ASCC3: variants seen among roughly 807,000 people sequenced by gnomAD.
ASCC3 encodes the protein activating signal cointegrator 1 complex subunit 3.
Under a neutral mutation model 256.3 loss-of-function variants are expected in ASCC3, and 158 were observed. The observed-to-expected ratio is 0.62, with a 90% CI of 0.54 to 0.70. ASCC3 has a LOEUF of 0.70. Ranked by LOEUF, ASCC3 falls within the 30% of genes least tolerant of loss-of-function variation. The pLI, the probability that ASCC3 is intolerant of heterozygous loss-of-function variation, is 0.00. For synonymous variants in ASCC3, 948 were observed against 883.4 expected, an observed-to-expected ratio of 1.07 and a Z score of -1.30; for missense variants, 2,259 against 2,626.0, an observed-to-expected ratio of 0.86 and a Z score of 3.05.
At chr6:100,844,319 G>T (rs1388152672) in intron 4 of ASCC3, among the ~76,000 whole-genome samples, 1 of 151,520 alleles carries the variant, frequency 6.6e-6, no homozygotes, top group South Asian at 2.1e-4. Flanking sequence ...CTGTGAAGAA[G>T]CTGGTTAGGT....
chr6:100,662,117 G>A, intron 15 of ASCC3, 87 bp from the exon 16 acceptor site: 3 of 1,333,980 alleles, frequency 2.2e-6, no homozygotes, highest in South Asian at 2.4e-5. Flanking sequence ...GGCAAATATG[G>A]CAAGATCTCA....
At chr6:100,863,535 T>C (rs1402704134) in intron 3 of ASCC3, among the ~76,000 whole-genome samples, 2 of 152,202 alleles carry the variant, frequency 1.3e-5, no homozygotes, top group Non-Finnish European at 2.9e-5. Flanking sequence ...TCATGCTAGA[T>C]AGTATTATAA....
intron 34 of ASCC3, among the ~76,000 whole-genome samples, chr6:100,595,506 G>T (rs551118008): frequency 6.6e-6 from 1 of 152,202 alleles, no homozygotes; most frequent in Admixed American, 6.5e-5. Context: ...AGATGTGAAG[G>T]TTTATATATT....
At chr6:100,702,683 CAG>C (rs2115001359) in intron 13 of ASCC3, among the ~76,000 whole-genome samples, 1 of 152,230 alleles carries the variant, frequency 6.6e-6, no homozygotes, top group African/African-American at 2.4e-5. Flanking sequence ...TAAAGAAAAA[CAG>C]AGTTTTGTGT....
intron 36 of ASCC3, among the ~76,000 whole-genome samples, chr6:100,585,410 A>G (rs1316369697): frequency 6.6e-6 from 1 of 152,016 alleles, no homozygotes; most frequent in Non-Finnish European, 1.5e-5. Context: ...GTAGTTCTCG[A>G]GCCTTGGCTT....
chr6:100,687,683 A>T (rs931789796), intron 13 of ASCC3, among the ~76,000 whole-genome samples: 2 of 152,100 alleles, frequency 1.3e-5, no homozygotes, highest in African/African-American at 2.4e-5. Context: ...TAAAAAGCCT[A>T]AAAAAACACA....
chr6:100,813,064 A>C (rs1389631662), intron 4 of ASCC3, among the ~76,000 whole-genome samples: 4 of 152,194 alleles, frequency 2.6e-5, no homozygotes, highest in Admixed American at 6.5e-5. Context: ...CATAATAAGC[A>C]TACCCAAAGG....
At chr6:100,804,977 A>T (rs970828202) in intron 5 of ASCC3, among the ~76,000 whole-genome samples, 2 of 152,148 alleles carry the variant, frequency 1.3e-5, no homozygotes, top group African/African-American at 4.8e-5. Flanking sequence ...CACTATTCAC[A>T]ACAGGAAAGA....
chr6:100,632,462 A>G (rs936036900), intron 25 of ASCC3, among the ~76,000 whole-genome samples: 2 of 151,552 alleles, frequency 1.3e-5, no homozygotes, highest in African/African-American at 2.4e-5. Context: ...CAGAAATAGA[A>G]AAAAAAAATC....
At chr6:100,673,726 C>T (rs1413394722) in intron 14 of ASCC3, among the ~76,000 whole-genome samples, 1 of 152,126 alleles carries the variant, frequency 6.6e-6, no homozygotes, top group Non-Finnish European at 1.5e-5. Flanking sequence ...CTTTTCAGTA[C>T]GTGAATTTTG....
intron 36 of ASCC3, among the ~76,000 whole-genome samples, chr6:100,584,804 G>C (rs143580531): frequency 0.034 from 5,164 of 152,044 alleles, 266 homozygotes; most frequent in African/African-American, 0.12. Context: ...CTCAGCATTT[G>C]CTTGTCTGTA....
chr6:100,651,663 TA>T lies in ASCC3; in HGVS notation c.2989-18del, dbSNP rs780193489. On this transcript the variant is annotated intron_variant, in intron 18 of 41. Transcript: ENST00000369162. ...ATTAAAGGTCTACCAAAGTAAGTGT[TA>T]TATTTGATTAAAATAAAAATATTTT... 18 of 1,288,934 alleles carry T rather than the reference TA, an allele frequency of 1.4e-5. No individual in the cohort carries two copies. Among genetic ancestry groups the T allele is most frequent in the Non-Finnish European group, 1.9e-5 (18 of 932,544 alleles). The allele number at this position is 1,288,934 out of a possible 1,614,324, so 79.8% of individuals were successfully genotyped here.
intron 37 of ASCC3, among the ~76,000 whole-genome samples, chr6:100,535,188 C>A (rs375739996): frequency 3.6e-4 from 55 of 152,238 alleles, no homozygotes; most frequent in Middle Eastern, 3.4e-3. Flanking sequence ...CCACAGTTTG[C>A]AAGATCATGC....
chr6:100,671,166 T>C (rs751596583), intron 14 of ASCC3, among the ~76,000 whole-genome samples: 33 of 152,088 alleles, frequency 2.2e-4, no homozygotes, highest in South Asian at 4.2e-4. Context: ...TCAAAAGAAA[T>C]GTAAGAAGCT....
At chr6:100,858,455 T>G in intron 3 of ASCC3, 2 of 544,616 alleles carry the variant, frequency 3.7e-6, no homozygotes, top group Non-Finnish European at 4.7e-6. Flanking sequence ...AAGTTTTTTA[T>G]AGCTACAGCT....
chr6:100,704,938 A>C (rs1778512358), intron 13 of ASCC3, among the ~76,000 whole-genome samples: 1 of 152,092 alleles, frequency 6.6e-6, no homozygotes, highest in Non-Finnish European at 1.5e-5. Context: ...AACAAGAAAA[A>C]TCTCAATAGA....
intron 34 of ASCC3, among the ~76,000 whole-genome samples, 199 bp from the exon 35 acceptor site, chr6:100,590,258 C>G (rs1215822841): frequency 1.3e-5 from 2 of 151,948 alleles, no homozygotes; most frequent in Non-Finnish European, 2.9e-5. Context: ...TTATTGTTCC[C>G]CTAGTGCTTA....
chr6:100,728,063 C>A (rs1180988468), intron 10 of ASCC3, among the ~76,000 whole-genome samples: 2 of 151,978 alleles, frequency 1.3e-5, no homozygotes, highest in African/African-American at 4.8e-5. Flanking sequence ...TCTAAGTAGA[C>A]ATAACAAATG....
In ASCC3 at chr6:100,688,507, A is replaced by G. The variant is rs182174964; in HGVS notation, c.2152-8755T>C. Among the ~76,000 whole-genome samples the G allele has an allele frequency of 2.0e-5, 3 of 152,302 alleles. No individual in the cohort carries two copies. The East Asian group carries it at 5.8e-4, about 29-fold the overall frequency. ...AAATAAAATAGAAACTCTCATACCT[A>G]CGTGGAAGAGATGAACATTACTATT... is the stretch of plus-strand genomic sequence containing the variant. On this transcript the variant is annotated intron_variant, in intron 13 of 41. Transcript: ENST00000369162.
Sources: allele counts gnomAD v4.1 joint callset (sites outside exome capture counted in the v4.1 genomes callset), GRCh38; gene constraint gnomAD v4.1.1; transcripts MANE v1.5; gene names NCBI Gene and HGNC (gene_info 2026-07-23, HGNC 2026-07-21).